Variants in NBPF15 observed in about 807,000 individuals in gnomAD.
The protein encoded by NBPF15 is NBPF family member NBPF15.
A neutral mutation model predicts 62.2 loss-of-function variants in NBPF15; 74 were observed. The ratio of observed to expected loss-of-function variants is 1.19; its 90% CI spans 0.99 to 1.44. The LOEUF (loss-of-function observed/expected upper bound fraction) is 1.44, where lower values mean the gene tolerates loss of function less well. Ranked by LOEUF, NBPF15 falls within the 40% of genes most tolerant of loss-of-function variation. The pLI, the probability that NBPF15 is intolerant of heterozygous loss-of-function variation, is 0.00. For missense variants in NBPF15, 790 were observed against 550.0 expected (o/e 1.44, Z -4.36); for synonymous variants, 244 against 209.7 (o/e 1.16, Z -1.41).
chr1:144,441,232 T>C (rs1682706738), intron 6 of NBPF15, among the ~76,000 whole-genome samples: 1 of 151,460 alleles, frequency 6.6e-6, no homozygotes, highest in Non-Finnish European at 1.5e-5. Context: ...GCTTGGTGAA[T>C]GGGTAGAAAA....
At chr1:144,449,555 G>C (rs587720212) in intron 5 of NBPF15, among the ~76,000 whole-genome samples, 1 of 151,782 alleles carries the variant, frequency 6.6e-6, no homozygotes, top group Non-Finnish European at 1.5e-5. Context: ...AAAACATTTT[G>C]AGTGCAATAG....
At position 144,456,579 on chromosome 1, in the gene NBPF15, G is replaced by C; in HGVS notation, c.-474C>G. ...TCTTCATTCAGCCCACACCGTGTGA[G>C]GTTGCTCTTGGTGCACCGAATGGGG... On this transcript the variant is annotated 5_prime_UTR_variant, in exon 4 of 22. Coordinates refer to ENST00000581897, the MANE Select transcript of NBPF15 (RefSeq NM_001385408.1). 6.6e-7 allele frequency: 1 copy of C among 1,509,020 alleles called. No homozygotes were observed. Among genetic ancestry groups the C allele is most frequent in the South Asian group, 1.2e-5 (1 of 80,514 alleles). 93.5% of individuals were successfully genotyped at this position (1,509,020 alleles called of 1,614,324 possible). A position where few individuals can be genotyped will look rare whatever the true frequency, so the allele number is the denominator to read the frequency against.
At chr1:144,438,104 A>T in intron 8 of NBPF15, 57 bp from the exon 9 acceptor site, 2 of 1,593,264 alleles carry the variant, frequency 1.3e-6, no homozygotes, top group South Asian at 1.1e-5. Context: ...TGCTGTGGTC[A>T]TTGCCTACAG....
intron 6 of NBPF15, among the ~76,000 whole-genome samples, chr1:144,442,367 T>C (rs1194139588): frequency 7.3e-6 from 1 of 137,368 alleles, no homozygotes; most frequent in Admixed American, 7.5e-5. Flanking sequence ...CATATATACA[T>C]GTATACATGT....
chr1:144,458,296 A>T (rs1558623626), intron 3 of NBPF15, among the ~76,000 whole-genome samples: 1 of 152,108 alleles, frequency 6.6e-6, no homozygotes, highest in Non-Finnish European at 1.5e-5. Context: ...TGTAAAAAAG[A>T]TAAATAAATA....
chr1:144,423,750 G>A, intron 21 of NBPF15, 120 bp downstream of exon 21: 2 of 695,542 alleles, frequency 2.9e-6, no homozygotes. Context: ...CAACAGCAAT[G>A]ACAGTAGGAG....
chr1:144,446,152 C>A (rs1202263457), intron 6 of NBPF15, among the ~76,000 whole-genome samples: 1 of 151,864 alleles, frequency 6.6e-6, no homozygotes, highest in Non-Finnish European at 1.5e-5. Flanking sequence ...GGTGCCCAGT[C>A]TGTTGAATTT....
chr1:144,455,022 A>G (rs1342004064), intron 4 of NBPF15, among the ~76,000 whole-genome samples: 4 of 150,974 alleles, frequency 2.6e-5, no homozygotes, highest in Non-Finnish European at 5.9e-5. Flanking sequence ...AAAAAGAGAG[A>G]GCATGAGAGA....
chr1:144,447,206 G>T (rs587763853), intron 6 of NBPF15, among the ~76,000 whole-genome samples: 1 of 152,394 alleles, frequency 6.6e-6, no homozygotes, highest in South Asian at 2.1e-4. Flanking sequence ...GCCTGCAGAG[G>T]AGAGGTGCCA....
At chr1:144,451,969 T>G (rs1437667705) in intron 4 of NBPF15, among the ~76,000 whole-genome samples, 1 of 151,526 alleles carries the variant, frequency 6.6e-6, no homozygotes, top group East Asian at 1.9e-4. Context: ...CTGGCCAACA[T>G]GAAGAATCCC....
intron 4 of NBPF15, among the ~76,000 whole-genome samples, chr1:144,455,184 G>A (rs1234086717): frequency 4.1e-5 from 6 of 146,388 alleles, no homozygotes; most frequent in Admixed American, 6.8e-5. Context: ...AGGAAGGGAG[G>A]AAGAAAGGAA....
rs1331413951 is a variant in NBPF15, at chr1:144,422,703, T to A, written c.*310A>T. On this transcript the variant is annotated 3_prime_UTR_variant, in exon 22 of 22. Transcript: ENST00000581897. ...GAGCAGGTATAGAAGCTCAGAGACA[T>A]GCCTGCAAAATGAAATCCCTGAGGA... 1.9e-6 allele frequency: 1 copy of A among 538,350 alleles called. No homozygotes were observed. Among genetic ancestry groups the A allele is most frequent in the Non-Finnish European group, 3.3e-6 (1 of 305,740 alleles). 33.3% of individuals were successfully genotyped at this position (538,350 alleles called of 1,614,324 possible).
At chr1:144,456,361 G>T (rs1451749581) in intron 4 of NBPF15, among the ~76,000 whole-genome samples, 176 bp downstream of exon 4, 2 of 152,012 alleles carry the variant, frequency 1.3e-5, no homozygotes, top group African/African-American at 2.4e-5. Context: ...GGTCGAGGGT[G>T]GCACACGCTG....
In NBPF15 at chr1:144,458,751, G is replaced by T. The variant is rs1475195388; in HGVS notation, c.-701+615C>A. 2.0e-5 allele frequency among the ~76,000 whole-genome samples: 3 copies of T among 151,934 alleles called. No individual in the cohort carries two copies. The East Asian group carries it at 5.8e-4, about 29-fold the overall frequency. On this transcript the variant is annotated intron_variant, in intron 3 of 21. Coordinates refer to ENST00000581897, the MANE Select transcript of NBPF15 (RefSeq NM_001385408.1). ...CAGACACATCCATGTAGTAAAAAGT[G>T]AATCATAGCCGGGTGGGGTGGCTCA...
intron 3 of NBPF15, among the ~76,000 whole-genome samples, chr1:144,458,231 C>T (rs1433350190): frequency 2.7e-4 from 41 of 151,902 alleles, no homozygotes; most frequent in African/African-American, 9.4e-4. Flanking sequence ...TTAAGTATAC[C>T]TAAGAACAAT....
chr1:144,445,332 AATATATATAT>A (rs1246556657), intron 6 of NBPF15, among the ~76,000 whole-genome samples: 1 of 92,544 alleles, frequency 1.1e-5, no homozygotes, highest in Non-Finnish European at 2.2e-5. Context: ...CAAAACGGTG[AATATATATAT>A]ATATATATAT....
At position 144,442,145 on chromosome 1, in the gene NBPF15, AT is replaced by A. The variant is rs1683525530; in HGVS notation, c.-190-1851del. 4.6e-4 allele frequency among the ~76,000 whole-genome samples: 5 copies of A among 10,978 alleles called. 1 individual carries two copies. Among genetic ancestry groups the A allele is most frequent in the East Asian group, 5.1e-3 (1 of 196 alleles). The allele number at this position is 10,978 out of a possible 152,430, so 7.2% of individuals were successfully genotyped here. A position where few individuals can be genotyped will look rare whatever the true frequency, so the allele number is the denominator to read the frequency against. ...TATATACACGTGTATATATATATAT[AT>A]AATATATATACACGTGTATATATAT... On this transcript the variant is annotated intron_variant, in intron 6 of 21. Transcript: ENST00000581897.
intron 20 of NBPF15, 43 bp from the exon 21 acceptor site, chr1:144,424,018 C>T (rs1449484866): frequency 2.2e-5 from 17 of 761,798 alleles, no homozygotes; most frequent in South Asian, 1.3e-4. Flanking sequence ...AAGCTGATTC[C>T]CCTACACATA....
At position 144,427,846 on chromosome 1, in the gene NBPF15, C is replaced by T. The variant is rs1329881944; in HGVS notation, c.1185G>A (p.Gln395=). Residue 395 remains glutamine, a synonymous_variant, in exon 16 of 22, where the codon CAG becomes CAA. Transcript: ENST00000581897. ...CCATGTCAATAGCCAAGCCAACACG[C>T]TGTTGCTCCAATACGTAAAAGGCAC... The part of the protein sequence containing the change: ...YRSAFYVLEQ[Q]RVGLAIDMDE... The T allele has an allele frequency of 1.2e-5, 9 of 733,932 alleles. No homozygotes were observed. Among genetic ancestry groups the T allele is most frequent in the South Asian group, 5.9e-5 (4 of 67,934 alleles). The allele number at this position is 733,932 out of a possible 1,614,324, so 45.5% of individuals were successfully genotyped here.
Sources: allele counts gnomAD v4.1 joint callset (sites outside exome capture counted in the v4.1 genomes callset), GRCh38; gene constraint gnomAD v4.1.1; transcripts MANE v1.5; gene names NCBI Gene and HGNC (gene_info 2026-07-23, HGNC 2026-07-21).